PUS10: variants seen among roughly 807,000 people sequenced by gnomAD.
PUS10 encodes the protein tRNA pseudouridine synthase Pus10.
Under a neutral mutation model 75.0 loss-of-function variants are expected in PUS10, and 59 were observed. That is an observed-to-expected ratio of 0.79 (90% CI 0.64 to 0.98). The LOEUF (loss-of-function observed/expected upper bound fraction) is 0.98. Ranked by LOEUF, PUS10 falls within the 50% of genes least tolerant of loss-of-function variation. The pLI is 0.00. For missense variants in PUS10, 650 were observed against 614.4 expected (o/e 1.06, Z -0.61); for synonymous variants, 219 against 211.6 (o/e 1.03, Z -0.30).
chr2:61,011,951 C>T lies in PUS10; in HGVS notation c.-15-46G>A, dbSNP rs1035001337. The T allele has an allele frequency of 5.4e-6, 8 of 1,478,058 alleles. No individual in the cohort carries two copies. The South Asian group carries it at 7.6e-5, about 14-fold the overall frequency. 91.6% of individuals were successfully genotyped at this position (1,478,058 alleles called of 1,614,324 possible). On this transcript the variant is annotated intron_variant, in intron 1 of 17. Coordinates refer to ENST00000316752, the MANE Select transcript of PUS10 (RefSeq NM_144709.4). ...ACTAATGAGCAGCTTCTGCGTTTTACTGTCACAGACAAGTCATCATGTTTA... is the reference window on the plus strand; with the variant it reads ...ACTAATGAGCAGCTTCTGCGTTTTATTGTCACAGACAAGTCATCATGTTTA...
At position 61,018,246 on chromosome 2, in the gene PUS10, C is replaced by T. The variant is rs1448777347; in HGVS notation, c.-254G>A. On this transcript the variant is annotated 5_prime_UTR_variant, in exon 1 of 18. Coordinates refer to ENST00000316752, the MANE Select transcript of PUS10 (RefSeq NM_144709.4). The stretch of plus-strand genomic sequence containing the variant: ...GTCCAGCCACGGCATCGACAGGGAG[C>T]AAAGTCTCTCCTTAAAGGTGTTAAC... The T allele has an allele frequency of 1.7e-5, 27 of 1,551,068 alleles. No individual in the cohort carries two copies. In the East Asian group the frequency reaches 6.1e-4, roughly 35 times the overall value.
chr2:60,982,627 T>C (rs1273488741), intron 4 of PUS10, among the ~76,000 whole-genome samples: 16 of 152,188 alleles, frequency 1.1e-4, no homozygotes, highest in Admixed American at 1.0e-3. Context: ...TTTATAACCA[T>C]CTAATATCAT....
chr2:60,954,058 T>C, intron 13 of PUS10, 24 bp downstream of exon 13: 1 of 1,612,612 alleles, frequency 6.2e-7, no homozygotes, highest in East Asian at 2.2e-5. Context: ...AACATGACGA[T>C]TTCCATGGCA....
At chr2:61,005,780 T>G (rs1388407294) in intron 4 of PUS10, among the ~76,000 whole-genome samples, 1 of 152,230 alleles carries the variant, frequency 6.6e-6, no homozygotes, top group East Asian at 1.9e-4. Context: ...GGCTCTTCTG[T>G]ATCATTCTAT....
At chr2:60,942,562 A>AT (rs1674684650) in intron 17 of PUS10, 129 bp from the exon 18 acceptor site, 2 of 705,886 alleles carry the variant, frequency 2.8e-6, no homozygotes, top group Admixed American at 5.0e-5. Context: ...GAAAAGAGCT[A>AT]TTGAATACCA....
At chr2:61,017,571 T>C (rs1365595947) in intron 1 of PUS10, 1 of 561,112 alleles carries the variant, frequency 1.8e-6, no homozygotes, top group East Asian at 2.9e-5. Flanking sequence ...TGTTTCTTCC[T>C]ACAAATTAGT....
intron 2 of PUS10, chr2:61,010,708 C>T: frequency 2.1e-6 from 3 of 1,450,064 alleles, no homozygotes; most frequent in Non-Finnish European, 2.8e-6. Context: ...ATCATCATTC[C>T]CATTTACAGA....
chr2:60,947,989 C>T (rs569958697), intron 16 of PUS10, 54 bp downstream of exon 16: 1 of 1,605,188 alleles, frequency 6.2e-7, no homozygotes, highest in Non-Finnish European at 8.5e-7. Flanking sequence ...GGACCATGAA[C>T]TTTTCCAATA....
intron 3 of PUS10, 41 bp from the exon 4 acceptor site, chr2:61,006,684 T>C: frequency 6.8e-7 from 1 of 1,466,110 alleles, no homozygotes; most frequent in Non-Finnish European, 9.5e-7. Flanking sequence ...CAGGAATTGC[T>C]GAAAATATTA....
chr2:60,979,102 AACACATACACATACACATACACAT>A (rs61436873), intron 4 of PUS10, among the ~76,000 whole-genome samples: 2,218 of 149,412 alleles, frequency 0.015, 41 homozygotes, highest in African/African-American at 0.045. Flanking sequence ...CTCTTCTCCC[AACACATACACATACACATACACAT>A]ACACATACAC....
At position 60,955,060 on chromosome 2, in the gene PUS10, A is replaced by G. The variant is rs748179482; in HGVS notation, c.1015T>C (p.Ser339Pro). 4 of 1,595,898 alleles carry G rather than the reference A, an allele frequency of 2.5e-6. No individual in the cohort carries two copies. The highest frequency in any genetic ancestry group is 3.4e-6 in the Non-Finnish European group (4 of 1,171,592). Residue 339 changes from serine to proline, a missense_variant, in exon 12 of 18, where the codon TCC (serine) becomes CCC (proline). By Grantham distance (74) the Ser-to-Pro change is moderately conservative. Coordinates refer to ENST00000316752, the MANE Select transcript of PUS10 (RefSeq NM_144709.4). ...ACATCTACATCTTCTCTTCCAGAGG[A>G]TGAAAAATTAAAACCTTTGAAAAGC... ...VFKAESFNFS[S>P]SGREDVDVRT...
At chr2:60,972,694 A>G (rs1676763025) in intron 4 of PUS10, among the ~76,000 whole-genome samples, 1 of 152,166 alleles carries the variant, frequency 6.6e-6, no homozygotes, top group South Asian at 2.1e-4. Context: ...AAAAAGGCCA[A>G]CGATTATCAT....
chr2:60,956,974 C>CAAAAAAAAA (rs56804354), intron 11 of PUS10, among the ~76,000 whole-genome samples: 14 of 19,262 alleles, frequency 7.3e-4, no homozygotes, highest in African/African-American at 1.7e-3. Flanking sequence ...GACTCCATCT[C>CAAAAAAAAA]AAAAAAAAAA....
intron 4 of PUS10, among the ~76,000 whole-genome samples, chr2:60,973,362 C>A (rs1289618227): frequency 6.6e-6 from 1 of 152,206 alleles, no homozygotes; most frequent in Admixed American, 6.5e-5. Context: ...CCGGGAAGGC[C>A]CCCCCGTTGT....
At chr2:60,966,043 A>C (rs1320282075) in intron 6 of PUS10, 1 of 152,106 alleles carries the variant, frequency 6.6e-6, no homozygotes, top group Non-Finnish European at 1.5e-5. Flanking sequence ...ACGCCACTGA[A>C]GCAGAACCAT....
At chr2:60,944,884 T>C in intron 17 of PUS10, 125 bp downstream of exon 17, 1 of 681,172 alleles carries the variant, frequency 1.5e-6, no homozygotes, top group Non-Finnish European at 2.6e-6. Context: ...ACAATGTTAC[T>C]GTGAGATTTT....
At chr2:60,943,471 TAAAAAA>T (rs56288950) in intron 17 of PUS10, among the ~76,000 whole-genome samples, 1 of 143,720 alleles carries the variant, frequency 7.0e-6, no homozygotes, top group Admixed American at 6.9e-5. Context: ...AAGAGAAAGT[TAAAAAA>T]AAAAAAAAAC....
chr2:60,965,868 C>T (rs1414509786), intron 6 of PUS10: 1 of 159,982 alleles, frequency 6.3e-6, no homozygotes, highest in Non-Finnish European at 1.4e-5. Flanking sequence ...AGGCAAAAAA[C>T]ATACTATTCA....
rs1157618723 is a variant in PUS10, at chr2:60,968,091, A to C, written c.504-478T>G. Among the ~76,000 whole-genome samples, 3 of 152,306 alleles carry C rather than the reference A, an allele frequency of 2.0e-5. No homozygotes were observed. The East Asian group carries it at 5.8e-4, about 29-fold the overall frequency. On this transcript the variant is annotated intron_variant, in intron 5 of 17. Coordinates refer to ENST00000316752, the MANE Select transcript of PUS10 (RefSeq NM_144709.4). ...GAAGCTGTACTTTTTAAAAAACTTT[A>C]CTGCTGAAGAAGAAATATTAAATCC... is the stretch of plus-strand genomic sequence containing the variant.
Sources: allele counts gnomAD v4.1 joint callset (sites outside exome capture counted in the v4.1 genomes callset), GRCh38; gene constraint gnomAD v4.1.1; transcripts MANE v1.5; gene names NCBI Gene and HGNC (gene_info 2026-07-23, HGNC 2026-07-21).